Variants in FHAD1 observed in about 807,000 individuals in gnomAD.
FHAD1 encodes forkhead associated phosphopeptide binding domain 1, also known as forkhead-associated domain-containing protein 1.
In FHAD1, 146 loss-of-function variants were observed where a neutral mutation model predicts 191.3. The observed-to-expected ratio is 0.76, with a 90% CI of 0.67 to 0.88. The LOEUF (loss-of-function observed/expected upper bound fraction) is 0.88. Ranked by LOEUF, FHAD1 falls within the 40% of genes least tolerant of loss-of-function variation. The probability of loss-of-function intolerance (pLI) is 0.00; values close to 1 mark genes in which losing one functional copy is unlikely to be tolerated. For synonymous variants in FHAD1, 616 were observed against 672.3 expected, an observed-to-expected ratio of 0.92 and a Z score of 1.29; for missense variants, 1,635 against 1,785.8, an observed-to-expected ratio of 0.92 and a Z score of 1.52.
At chr1:15,399,711 G>A (rs1434348086), downstream of FHAD1, among the ~76,000 whole-genome samples, 1 of 152,174 alleles carries the variant, frequency 6.6e-6, no homozygotes, top group African/African-American at 2.4e-5. Context: ...GAATCTTGAT[G>A]CAGTTCCAGG....
intron 6 of FHAD1, chr1:15,305,779 C>T (rs1480366367): frequency 2.2e-6 from 1 of 448,196 alleles, no homozygotes; most frequent in Non-Finnish European, 4.5e-6. Context: ...TGCTTTTCGC[C>T]TCCCACCATG....
At chr1:15,360,745 C>A in intron 22 of FHAD1, 42 bp downstream of exon 22, 3 of 1,512,856 alleles carry the variant, frequency 2.0e-6, no homozygotes, top group Non-Finnish European at 2.7e-6. Context: ...GTGTTCGGGG[C>A]AGGTTCTGAT....
Position 15,358,121 on chromosome 1 carries a change from A to G in FHAD1, c.2574A>G (p.Leu858=). 1 of 1,507,742 alleles carries G rather than the reference A, an allele frequency of 6.6e-7. No homozygotes were observed. The highest frequency in any genetic ancestry group is 8.8e-7 in the Non-Finnish European group (1 of 1,134,960). 93.4% of individuals were successfully genotyped at this position (1,507,742 alleles called of 1,614,324 possible). ...RLTKQKEELE[L]KEQKEDVLNN... ...GTTTTTTTGTCTAGGAATTAGAATTAAAAGAGCAAAAAGAGGACGTTTTAA... is the reference window on the plus strand; with the variant it reads ...GTTTTTTTGTCTAGGAATTAGAATTGAAAGAGCAAAAAGAGGACGTTTTAA... The change falls in exon 21 of 34, where the codon TTA becomes TTG. Residue 858 remains leucine (L), a synonymous_variant. Transcript: ENST00000688493.
intron 19 of FHAD1, among the ~76,000 whole-genome samples, chr1:15,350,906 C>G (rs538882730): frequency 6.6e-6 from 1 of 152,250 alleles, no homozygotes; most frequent in East Asian, 1.9e-4. Context: ...AGAGGGAGCA[C>G]AGACATGCTA....
chr1:15,323,112 C>T (rs971589421), intron 10 of FHAD1, among the ~76,000 whole-genome samples: 4 of 152,304 alleles, frequency 2.6e-5, no homozygotes, highest in South Asian at 2.1e-4. Flanking sequence ...CTGGGTCCCG[C>T]CCACAACACT....
chr1:15,358,041 G>C (rs1468642548), intron 20 of FHAD1, 69 bp from the exon 21 acceptor site: 1 of 1,109,752 alleles, frequency 9.0e-7, no homozygotes, highest in African/African-American at 1.6e-5. Context: ...TTGAAGGTGG[G>C]GGATAAGGGG....
At chr1:15,369,652 C>G (rs1697527580) in intron 26 of FHAD1, 150 bp downstream of exon 26, 3 of 891,708 alleles carry the variant, frequency 3.4e-6, no homozygotes, top group African/African-American at 3.4e-5. Flanking sequence ...AGAATACTGC[C>G]TCTTTAGTCA....
At chr1:15,354,363 C>T (rs1426658912) in intron 20 of FHAD1, among the ~76,000 whole-genome samples, 1 of 152,162 alleles carries the variant, frequency 6.6e-6, no homozygotes, top group African/African-American at 2.4e-5. Context: ...CGCACGTCAG[C>T]CCTGGACACC....
chr1:15,340,758 G>A (rs367792783), intron 15 of FHAD1, among the ~76,000 whole-genome samples: 73 of 152,232 alleles, frequency 4.8e-4, no homozygotes, highest in African/African-American at 1.6e-3. Flanking sequence ...TCTCTGTAAA[G>A]GGCCAGATGG....
At chr1:15,262,283 A>G (rs1025851605) in intron 2 of FHAD1, among the ~76,000 whole-genome samples, 6 of 152,298 alleles carry the variant, frequency 3.9e-5, no homozygotes, top group East Asian at 1.9e-4. Flanking sequence ...AACACCTGCT[A>G]TTGGGCTAAA....
chr1:15,285,254 G>A (rs1362292603), intron 3 of FHAD1, among the ~76,000 whole-genome samples: 2 of 152,180 alleles, frequency 1.3e-5, no homozygotes, highest in African/African-American at 2.4e-5. Flanking sequence ...AAACAATGCC[G>A]GGCGCTGTGG....
At chr1:15,278,064 A>G (rs55730182) in intron 3 of FHAD1, among the ~76,000 whole-genome samples, 41,502 of 152,092 alleles carry the variant, frequency 0.27, 6,258 homozygotes, top group East Asian at 0.59. Flanking sequence ...TCTAAATCCC[A>G]TGTTCTTAAC....
At chr1:15,238,839 C>G (rs1245287544) in intron 1 of FHAD1, among the ~76,000 whole-genome samples, 1 of 152,192 alleles carries the variant, frequency 6.6e-6, no homozygotes, top group Non-Finnish European at 1.5e-5. Context: ...AGCTTCCTCC[C>G]AATTTCAGTG....
At chr1:15,263,889 C>T (rs891369697) in intron 2 of FHAD1, among the ~76,000 whole-genome samples, 1 of 152,176 alleles carries the variant, frequency 6.6e-6, no homozygotes. Flanking sequence ...AAAAGACTGT[C>T]CTTTCCACCA....
chr1:15,323,457 C>A (rs1269944631), intron 10 of FHAD1, among the ~76,000 whole-genome samples: 1 of 152,178 alleles, frequency 6.6e-6, no homozygotes, highest in Non-Finnish European at 1.5e-5. Context: ...CCGGCCTTCC[C>A]GGGAAACAGC....
intron 18 of FHAD1, 72 bp from the exon 19 acceptor site, chr1:15,348,970 T>C (rs1689880745): frequency 1.1e-5 from 10 of 901,586 alleles, no homozygotes; most frequent in South Asian, 1.6e-5. Flanking sequence ...TTATTATTAT[T>C]ATCATTATCA....
Position 15,289,542 on chromosome 1 carries a change from G to C in FHAD1, c.444G>C (p.Trp148Cys). Residue 148 changes from tryptophan (W) to cysteine (C), a missense_variant, in exon 4 of 34, where the codon TGG (tryptophan) becomes TGC (cysteine). Physicochemically the swap from Trp to Cys is radical, Grantham distance 215. Transcript: ENST00000688493. This position sits in a 1 kb window ranked among gnomAD's most constrained non-coding sequence, Gnocchi z 4.2. ...GVQPAPMQRS[W>C]SQAFPRPTVV... ...AGCCAGCACCGATGCAAAGGAGCTG[G>C]TCCCAGGCCTTTCCCAGACCCACCG... 6.4e-6 allele frequency: 10 copies of C among 1,551,836 alleles called. No individual in the cohort carries two copies. Among genetic ancestry groups the C allele is most frequent in the Non-Finnish European group, 7.0e-6 (8 of 1,147,012 alleles).
rs149394785 is a variant in FHAD1 at position 15,328,387 on chromosome 1, C to T, written c.1668C>T (p.Thr556=). 19 of 1,545,284 alleles carry T rather than the reference C, an allele frequency of 1.2e-5. No individual in the cohort carries two copies. The highest frequency in any genetic ancestry group is 1.7e-4 in the Middle Eastern group (1 of 5,944). ...QLSNSKQEET[T]ENIEKLRTSL... ...GCAACTCCAAGCAGGAGGAGACCAC[C>T]GAGAACATCGAGAAGCTGAGGACGT... is the stretch of plus-strand genomic sequence containing the variant. The change falls in exon 13 of 34, where the codon ACC becomes ACT. Residue 556 remains threonine (T), a synonymous_variant. Transcript: ENST00000688493.
intron 26 of FHAD1, among the ~76,000 whole-genome samples, chr1:15,373,278 A>AGGGAGGCGGATCACGAGGTC (rs1553312843): frequency 6.6e-6 from 1 of 152,044 alleles, no homozygotes; most frequent in Non-Finnish European, 1.5e-5. Context: ...TGGGAGGCCG[A>AGGGAGGCGGATCACGAGGTC]GGGAGGCGGA....
Sources: allele counts gnomAD v4.1 joint callset (sites outside exome capture counted in the v4.1 genomes callset), GRCh38; gene constraint gnomAD v4.1.1; non-coding constraint Gnocchi (gnomAD v3.1); transcripts MANE v1.5; gene names NCBI Gene and HGNC (gene_info 2026-07-23, HGNC 2026-07-21).